Variants in CPNE8 observed in about 807,000 individuals in gnomAD.
CPNE8 encodes the protein copine-8.
CPNE8 carries 45 observed loss-of-function variants against 81.5 expected under a neutral mutation model. The observed-to-expected ratio is 0.55, with a 90% CI of 0.44 to 0.71. CPNE8 has a LOEUF of 0.71. Ranked by LOEUF, CPNE8 falls within the 30% of genes least tolerant of loss-of-function variation. CPNE8 has a pLI of 0.00. For synonymous variants in CPNE8, 252 were observed against 226.3 expected, an observed-to-expected ratio of 1.11 and a Z score of -1.02; for missense variants, 594 against 672.1, an observed-to-expected ratio of 0.88 and a Z score of 1.28.
At chr12:38,658,114 C>T (rs1053584346) in intron 19 of CPNE8, among the ~76,000 whole-genome samples, 1 of 151,968 alleles carries the variant, frequency 6.6e-6, no homozygotes, top group Non-Finnish European at 1.5e-5. Context: ...GTTAAAAAAG[C>T]ATGTTCTAAC....
At chr12:38,818,894 C>CT (rs879642049) in intron 6 of CPNE8, among the ~76,000 whole-genome samples, 1 of 152,170 alleles carries the variant, frequency 6.6e-6, no homozygotes, top group African/African-American at 2.4e-5. Context: ...TGTTGATGAG[C>CT]TTTTTTTCAT....
At chr12:38,660,501 C>T (rs1372840523) in intron 19 of CPNE8, among the ~76,000 whole-genome samples, 2 of 152,128 alleles carry the variant, frequency 1.3e-5, no homozygotes, top group Non-Finnish European at 2.9e-5. Flanking sequence ...AGACTTAAAA[C>T]CATAAAATCC....
Position 38,905,440 on chromosome 12 carries a change from C to T in CPNE8, c.95G>A (p.Cys32Tyr). The T allele has an allele frequency of 6.4e-7, 1 of 1,562,650 alleles. No homozygotes were observed. Among genetic ancestry groups the T allele is most frequent in the Non-Finnish European group, 8.7e-7 (1 of 1,153,674 alleles). The change falls in exon 1 of 20, where the codon TGC becomes TAC. Residue 32 changes from cysteine to tyrosine, a missense_variant. Physicochemically the swap from Cys to Tyr is radical, Grantham distance 194. Transcript: ENST00000331366. The part of the protein sequence containing the change: ...PATRVEVSVS[C>Y]RNLLDRDTFS... ...AGGGGAAGGGCTGCGTCCTCACCTGCAGGACACGGACACCTCCACCCGCGT... is the reference window on the plus strand; with the variant it reads ...AGGGGAAGGGCTGCGTCCTCACCTGTAGGACACGGACACCTCCACCCGCGT...
chr12:38,905,658 G>T (rs1293088325), upstream of CPNE8: 1 of 1,489,058 alleles, frequency 6.7e-7, no homozygotes, highest in African/African-American at 1.4e-5. Context: ...GGCGGAGGCA[G>T]CGCGCGGGAT....
At chr12:38,859,145 A>T (rs1943790584) in intron 3 of CPNE8, among the ~76,000 whole-genome samples, 1 of 152,134 alleles carries the variant, frequency 6.6e-6, no homozygotes, top group South Asian at 2.1e-4. Flanking sequence ...ATCAAAACAG[A>T]GGAAGTAAAA....
chr12:38,788,214 C>T (rs545919213), intron 6 of CPNE8, among the ~76,000 whole-genome samples: 1 of 151,768 alleles, frequency 6.6e-6, no homozygotes, highest in African/African-American at 2.4e-5. Context: ...AAAACCTTAA[C>T]AAAATACTAG....
At chr12:38,768,427 C>A (rs1303244143) in intron 7 of CPNE8, among the ~76,000 whole-genome samples, 1 of 152,138 alleles carries the variant, frequency 6.6e-6, no homozygotes, top group African/African-American at 2.4e-5. Flanking sequence ...TATCATAACA[C>A]ATTATTGATA....
intron 11 of CPNE8, among the ~76,000 whole-genome samples, chr12:38,729,004 T>C (rs1025213117): frequency 1.3e-5 from 2 of 152,142 alleles, no homozygotes; most frequent in Non-Finnish European, 2.9e-5. Flanking sequence ...GTCTTGTCAG[T>C]TAGCAAGCTT....
chr12:38,874,679 T>C (rs1045446416), intron 1 of CPNE8, among the ~76,000 whole-genome samples, 168 bp from the exon 2 acceptor site: 2 of 152,172 alleles, frequency 1.3e-5, no homozygotes, highest in Non-Finnish European at 2.9e-5. Context: ...AGGGTCTGCT[T>C]GTATATATTC....
chr12:38,839,826 T>C (rs1943440033), intron 5 of CPNE8, 90 bp downstream of exon 5: 1 of 1,162,002 alleles, frequency 8.6e-7, no homozygotes. Flanking sequence ...ATGAATAACT[T>C]AATAGATGTA....
At chr12:38,838,738 G>A (rs1943423427) in intron 5 of CPNE8, among the ~76,000 whole-genome samples, 1 of 152,042 alleles carries the variant, frequency 6.6e-6, no homozygotes, top group Admixed American at 6.6e-5. Context: ...TAGACAGACT[G>A]TTCCTGAATA....
chr12:38,832,984 A>G (rs1026802057), intron 5 of CPNE8, among the ~76,000 whole-genome samples: 1 of 152,166 alleles, frequency 6.6e-6, no homozygotes, highest in Admixed American at 6.5e-5. Flanking sequence ...AATTACAAAT[A>G]CAATTTCTAA....
chr12:38,880,623 G>C (rs192508252), intron 1 of CPNE8, among the ~76,000 whole-genome samples: 67 of 152,140 alleles, frequency 4.4e-4, no homozygotes, highest in African/African-American at 1.5e-3. Context: ...AAAGTTATTT[G>C]TATGTATATA....
At chr12:38,763,265 A>T (rs561233641) in intron 8 of CPNE8, among the ~76,000 whole-genome samples, 8 of 152,340 alleles carry the variant, frequency 5.3e-5, no homozygotes, top group Middle Eastern at 3.4e-3. Context: ...TCAGGAAGGC[A>T]GAGTAAATGG....
Position 38,693,817 on chromosome 12 carries a change from G to A in CPNE8, c.983C>T (p.Ser328Phe). 2 of 1,609,880 alleles carry A rather than the reference G, an allele frequency of 1.2e-6. No individual in the cohort carries two copies. Among genetic ancestry groups the A allele is most frequent in the Non-Finnish European group, 1.7e-6 (2 of 1,178,118 alleles). Residue 328 changes from serine to phenylalanine, a missense_variant, in exon 15 of 20, where the codon TCC (serine) becomes TTC (phenylalanine). Coordinates refer to ENST00000331366, the MANE Select transcript of CPNE8 (RefSeq NM_153634.3). ...TTGGTAAGGATTCATGTAGTGGAGGGAAGTGGGCTGAGCAGGGTTGCCTGA... is the reference window on the plus strand; with the variant it reads ...TTGGTAAGGATTCATGTAGTGGAGGAAAGTGGGCTGAGCAGGGTTGCCTGA... Reference protein sequence around the residue: ...ASNGNPAQPTSLHYMNPYQLN... With the variant: ...ASNGNPAQPTFLHYMNPYQLN...
chr12:38,725,449 G>T (rs1172821652), intron 11 of CPNE8, among the ~76,000 whole-genome samples: 2 of 152,110 alleles, frequency 1.3e-5, no homozygotes, highest in Non-Finnish European at 2.9e-5. Flanking sequence ...AAATAAGATT[G>T]CACCTCTATA....
intron 1 of CPNE8, among the ~76,000 whole-genome samples, chr12:38,877,583 A>G (rs1944085948): frequency 6.6e-6 from 1 of 152,132 alleles, no homozygotes; most frequent in Non-Finnish European, 1.5e-5. Flanking sequence ...GAAATTTTGG[A>G]AAAATACAGT....
intron 1 of CPNE8, among the ~76,000 whole-genome samples, chr12:38,896,006 T>C (rs937146312): frequency 2.0e-5 from 3 of 152,110 alleles, no homozygotes; most frequent in Admixed American, 2.0e-4. Flanking sequence ...CTTTTCAGAA[T>C]TGCAAGGATT....
At chr12:38,716,338 T>C (rs1222038980) in intron 13 of CPNE8, among the ~76,000 whole-genome samples, 1 of 151,774 alleles carries the variant, frequency 6.6e-6, no homozygotes, top group African/African-American at 2.4e-5. Context: ...CTCACATAGT[T>C]AAATAAACAC....
Sources: allele counts gnomAD v4.1 joint callset (sites outside exome capture counted in the v4.1 genomes callset), GRCh38; gene constraint gnomAD v4.1.1; transcripts MANE v1.5; gene names NCBI Gene and HGNC (gene_info 2026-07-23, HGNC 2026-07-21).